The following NOS1AP variants were observed in gnomAD, a reference collection of about 807,000 sequenced individuals.
NOS1AP encodes carboxyl-terminal PDZ ligand of neuronal nitric oxide synthase protein.
NOS1AP carries 21 observed loss-of-function variants against 56.2 expected under a neutral mutation model. The ratio of observed to expected loss-of-function variants is 0.37; its 90% CI spans 0.26 to 0.54. The LOEUF (loss-of-function observed/expected upper bound fraction) is 0.54, where lower values mean the gene tolerates loss of function less well. Ranked by LOEUF, NOS1AP falls within the 20% of genes least tolerant of loss-of-function variation. The pLI, the probability that NOS1AP is intolerant of heterozygous loss-of-function variation, is 0.84. For synonymous variants in NOS1AP, 270 were observed against 274.6 expected, an observed-to-expected ratio of 0.98 and a Z score of 0.17; for missense variants, 522 against 657.8, an observed-to-expected ratio of 0.79 and a Z score of 2.26.
intron 1 of NOS1AP, among the ~76,000 whole-genome samples, chr1:162,094,378 G>A (rs1010906544): frequency 1.3e-5 from 2 of 152,174 alleles, no homozygotes; most frequent in Non-Finnish European, 2.9e-5. Flanking sequence ...ACTCTGGTCT[G>A]ATTGAAATGT....
intron 2 of NOS1AP, among the ~76,000 whole-genome samples, chr1:162,266,904 A>G (rs1033432231): frequency 6.6e-6 from 1 of 152,184 alleles, no homozygotes; most frequent in Non-Finnish European, 1.5e-5. Flanking sequence ...GTGGCTTCTT[A>G]GGAAGGCATA....
chr1:162,096,725 TC>T (rs1692251135), intron 1 of NOS1AP, among the ~76,000 whole-genome samples: 1 of 152,242 alleles, frequency 6.6e-6, no homozygotes, highest in Non-Finnish European at 1.5e-5. Context: ...TTTGCTTTTT[TC>T]CTACTTAACA....
At chr1:162,237,798 A>G (rs1653351661) in intron 2 of NOS1AP, among the ~76,000 whole-genome samples, 1 of 152,210 alleles carries the variant, frequency 6.6e-6, no homozygotes, top group African/African-American at 2.4e-5. Context: ...ACTTTGAAAA[A>G]GTCGTGTGCT....
intron 4 of NOS1AP, among the ~76,000 whole-genome samples, chr1:162,324,356 A>AT (rs1363399368): frequency 1.4e-5 from 2 of 146,726 alleles, no homozygotes; most frequent in African/African-American, 5.0e-5. Context: ...TTGGAGAGAA[A>AT]TTAAAGTCTT....
chr1:162,352,723 G>A (rs998701592), intron 6 of NOS1AP, among the ~76,000 whole-genome samples: 2 of 151,640 alleles, frequency 1.3e-5, no homozygotes, highest in Non-Finnish European at 2.9e-5. Flanking sequence ...CTTCTTATAA[G>A]GGCATGAATC....
intron 2 of NOS1AP, among the ~76,000 whole-genome samples, chr1:162,260,777 A>G (rs1376117232): frequency 2.4e-5 from 3 of 124,850 alleles, no homozygotes; most frequent in Admixed American, 1.5e-4. Flanking sequence ...GTCAAGGGAG[A>G]TGATTTTTTT....
At chr1:162,138,046 T>C (rs1159292126) in intron 1 of NOS1AP, among the ~76,000 whole-genome samples, 3 of 152,198 alleles carry the variant, frequency 2.0e-5, no homozygotes, top group Admixed American at 6.5e-5. Context: ...ACAGGATACA[T>C]TGACACCTTT....
At chr1:162,198,417 C>A (rs1409611714) in intron 2 of NOS1AP, among the ~76,000 whole-genome samples, 1 of 152,154 alleles carries the variant, frequency 6.6e-6, no homozygotes, top group Admixed American at 6.5e-5. Flanking sequence ...ATCTGAAATG[C>A]CCTGCAGTGG....
intron 3 of NOS1AP, among the ~76,000 whole-genome samples, chr1:162,293,462 G>A (rs182398185): frequency 2.2e-4 from 34 of 152,312 alleles, no homozygotes; most frequent in African/African-American, 7.9e-4. Flanking sequence ...TCCTGACTCT[G>A]TTTTCTCTTT....
intron 2 of NOS1AP, among the ~76,000 whole-genome samples, chr1:162,202,410 G>C (rs1652023864): frequency 1.3e-5 from 2 of 151,978 alleles, no homozygotes; most frequent in Non-Finnish European, 2.9e-5. Context: ...TTGAAATCAT[G>C]GTACATAAAC....
intron 7 of NOS1AP, 30 bp from the exon 8 acceptor site, chr1:162,356,930 G>A (rs1364530061): frequency 1.2e-6 from 2 of 1,613,798 alleles, no homozygotes; most frequent in East Asian, 2.2e-5. Context: ...CCTGCCACAT[G>A]TCATGTCCTG....
At chr1:162,137,438 A>G (rs560858820) in intron 1 of NOS1AP, among the ~76,000 whole-genome samples, 3 of 152,228 alleles carry the variant, frequency 2.0e-5, no homozygotes, top group East Asian at 3.9e-4. Flanking sequence ...AGTTAATGGT[A>G]CCCATCACCA....
intron 2 of NOS1AP, among the ~76,000 whole-genome samples, chr1:162,166,534 A>G (rs1433234630): frequency 1.3e-5 from 2 of 152,120 alleles, no homozygotes; most frequent in Admixed American, 6.5e-5. Context: ...TTGAGCTTTC[A>G]TCCCTTCTAG....
chr1:162,289,822 C>T (rs1655231173), intron 3 of NOS1AP, among the ~76,000 whole-genome samples: 1 of 152,166 alleles, frequency 6.6e-6, no homozygotes, highest in Non-Finnish European at 1.5e-5. Context: ...GTCCTAGGGG[C>T]TGCTCTGTCC....
chr1:162,297,882 A>C (rs1479753607), intron 3 of NOS1AP, among the ~76,000 whole-genome samples: 1 of 152,174 alleles, frequency 6.6e-6, no homozygotes, highest in South Asian at 2.1e-4. Flanking sequence ...CTAGGAACTT[A>C]GGGACTCACA....
At chr1:162,168,372 A>G (rs1186750901) in intron 2 of NOS1AP, among the ~76,000 whole-genome samples, 1 of 152,204 alleles carries the variant, frequency 6.6e-6, no homozygotes, top group East Asian at 1.9e-4. Flanking sequence ...AAGCTGGTCC[A>G]CACTTTTCTG....
At chr1:162,221,532 GCGCACACACACACACA>G (rs1333220406) in intron 2 of NOS1AP, among the ~76,000 whole-genome samples, 2 of 132,716 alleles carry the variant, frequency 1.5e-5, no homozygotes, top group South Asian at 2.3e-4. Context: ...ACACACACGC[GCGCACACACACACACA>G]CACACACACA....
At chr1:162,314,635 C>G (rs188491680) in intron 4 of NOS1AP, among the ~76,000 whole-genome samples, 92 of 152,362 alleles carry the variant, frequency 6.0e-4, no homozygotes, top group African/African-American at 2.1e-3. Context: ...CAAATTGGCA[C>G]TGGCCTGGGA....
chr1:162,137,613 T>G (rs548903642), intron 1 of NOS1AP, among the ~76,000 whole-genome samples: 25 of 152,160 alleles, frequency 1.6e-4, no homozygotes, highest in African/African-American at 5.5e-4. Context: ...CTGCCCTTTC[T>G]CTGCTTGATT....
Sources: allele counts gnomAD v4.1 joint callset (sites outside exome capture counted in the v4.1 genomes callset), GRCh38; gene constraint gnomAD v4.1.1; transcripts MANE v1.5; gene names NCBI Gene and HGNC (gene_info 2026-07-23, HGNC 2026-07-21).